SPAG16: variants seen among roughly 807,000 people sequenced by gnomAD.
SPAG16 encodes the protein sperm associated antigen 16.
SPAG16 carries 86 observed loss-of-function variants against 80.4 expected under a neutral mutation model. The ratio of observed to expected loss-of-function variants is 1.07; its 90% CI spans 0.90 to 1.28. The LOEUF is 1.28. SPAG16 is among the 50% of genes most tolerant of loss of function. The pLI is 0.00. For missense variants in SPAG16, 870 were observed against 765.3 expected (o/e 1.14, Z -1.61); for synonymous variants, 294 against 265.9 (o/e 1.11, Z -1.03).
chr2:214,375,445 T>C (rs1377252345), intron 15 of SPAG16, among the ~76,000 whole-genome samples: 3 of 152,148 alleles, frequency 2.0e-5, no homozygotes, highest in Non-Finnish European at 2.9e-5. Context: ...CTGAGACTAG[T>C]ATATAGCTTT....
At chr2:213,348,487 A>G (rs1439041647) in intron 6 of SPAG16, among the ~76,000 whole-genome samples, 1 of 151,924 alleles carries the variant, frequency 6.6e-6, no homozygotes, top group Non-Finnish European at 1.5e-5. Context: ...GGTCTTTACA[A>G]GTTGGCATGT....
intron 15 of SPAG16, among the ~76,000 whole-genome samples, chr2:214,199,511 GT>G (rs570764704): frequency 8.7e-4 from 126 of 145,220 alleles, no homozygotes; most frequent in African/African-American, 2.8e-3. Flanking sequence ...TTGCCTTGTA[GT>G]ATAATTTGAA....
At chr2:213,947,689 A>G (rs1196616328) in intron 12 of SPAG16, among the ~76,000 whole-genome samples, 2 of 151,784 alleles carry the variant, frequency 1.3e-5, no homozygotes, top group Non-Finnish European at 3.0e-5. Context: ...AACTAAAACA[A>G]ATAAAGTACC....
chr2:213,327,813 C>T (rs963964530), intron 5 of SPAG16, among the ~76,000 whole-genome samples: 6 of 151,916 alleles, frequency 3.9e-5, no homozygotes, highest in South Asian at 2.1e-4. Flanking sequence ...ATAAATTTAG[C>T]GCTTAGAAGA....
At chr2:213,460,392 T>A (rs572302576) in intron 9 of SPAG16, among the ~76,000 whole-genome samples, 1 of 152,288 alleles carries the variant, frequency 6.6e-6, no homozygotes, top group Admixed American at 6.5e-5. Context: ...TCAAGATATA[T>A]CCATACCAGG....
chr2:213,303,623 C>A (rs984701599), intron 3 of SPAG16, among the ~76,000 whole-genome samples: 3 of 152,020 alleles, frequency 2.0e-5, no homozygotes, highest in South Asian at 4.1e-4. Context: ...TAAGTGAGAA[C>A]ATGTGAAGTT....
intron 10 of SPAG16, among the ~76,000 whole-genome samples, chr2:213,793,811 A>G (rs956681642): frequency 6.6e-6 from 1 of 152,184 alleles, no homozygotes; most frequent in Non-Finnish European, 1.5e-5. Flanking sequence ...CAGAAGTCAT[A>G]AAGTATAACG....
intron 9 of SPAG16, among the ~76,000 whole-genome samples, chr2:213,395,944 A>G (rs2068010117): frequency 6.6e-6 from 1 of 152,246 alleles, no homozygotes. Flanking sequence ...ACACAATTAT[A>G]TGGTTCTTCA....
intron 15 of SPAG16, among the ~76,000 whole-genome samples, chr2:214,368,871 A>G (rs879098162): frequency 3.3e-5 from 5 of 152,052 alleles, no homozygotes; most frequent in Admixed American, 3.3e-4. Context: ...TTCTGCCTAT[A>G]TCTTAATTTT....
intron 9 of SPAG16, among the ~76,000 whole-genome samples, chr2:213,434,031 C>T (rs1466565393): frequency 6.7e-6 from 1 of 149,390 alleles, no homozygotes; most frequent in East Asian, 2.0e-4. Context: ...AGTGATTCTC[C>T]TGCCCTAGCC....
chr2:214,254,817 TGA>T (rs1230597312), intron 15 of SPAG16, among the ~76,000 whole-genome samples: 1 of 152,058 alleles, frequency 6.6e-6, no homozygotes, highest in Non-Finnish European at 1.5e-5. Flanking sequence ...TTTCTAATTT[TGA>T]GAGGTATTTT....
chr2:213,371,984 A>T (rs2066665356), intron 8 of SPAG16, among the ~76,000 whole-genome samples: 1 of 152,166 alleles, frequency 6.6e-6, no homozygotes, highest in Admixed American at 6.5e-5. Flanking sequence ...TTCTGGGAGA[A>T]ACTATGAAAT....
chr2:214,116,796 TC>T (rs1281145846), intron 14 of SPAG16, among the ~76,000 whole-genome samples: 1 of 152,174 alleles, frequency 6.6e-6, no homozygotes. Context: ...GCTGAGAGGT[TC>T]CTCTAGTGCT....
chr2:214,330,479 T>C lies in SPAG16; in HGVS notation c.1721-79661T>C, dbSNP rs112318479. Among the ~76,000 whole-genome samples, 110 of 152,276 alleles carry C rather than the reference T, an allele frequency of 7.2e-4. 1 individual carries two copies. In the Middle Eastern group the frequency reaches 0.01, roughly 14 times the overall value. On this transcript the variant is annotated intron_variant, in intron 15 of 15. Transcript: ENST00000331683. ...AGATGAAGATCTGCATCCAGGAGTCTTATTAGAAAGTGCTCTTGGGAACAC... is the reference window on the plus strand; with the variant it reads ...AGATGAAGATCTGCATCCAGGAGTCCTATTAGAAAGTGCTCTTGGGAACAC...
At chr2:213,538,119 C>A (rs974382271) in intron 10 of SPAG16, among the ~76,000 whole-genome samples, 3 of 152,128 alleles carry the variant, frequency 2.0e-5, no homozygotes, top group Non-Finnish European at 4.4e-5. Flanking sequence ...TGAAAATGTT[C>A]TAACAAATTT....
intron 10 of SPAG16, among the ~76,000 whole-genome samples, chr2:213,617,353 C>T (rs1331405653): frequency 6.6e-6 from 1 of 152,034 alleles, no homozygotes; most frequent in Non-Finnish European, 1.5e-5. Flanking sequence ...TGGAAGGATC[C>T]CTTGAGGCCA....
chr2:213,687,140 A>G (rs567591836), intron 10 of SPAG16, among the ~76,000 whole-genome samples: 1 of 152,188 alleles, frequency 6.6e-6, no homozygotes, highest in South Asian at 2.1e-4. Flanking sequence ...TCTTGCTTCA[A>G]GTAATATTAA....
intron 15 of SPAG16, among the ~76,000 whole-genome samples, chr2:214,329,272 A>G (rs539214114): frequency 2.2e-4 from 31 of 138,630 alleles, no homozygotes; most frequent in Middle Eastern, 3.6e-3. Context: ...GTTATTTACA[A>G]TCCTTTGGTG....
intron 10 of SPAG16, among the ~76,000 whole-genome samples, chr2:213,676,770 CT>C (rs1434847797): frequency 2.0e-5 from 3 of 150,584 alleles, no homozygotes; most frequent in African/African-American, 7.4e-5. Flanking sequence ...TGATGTGCTG[CT>C]GGATTCGGTT....
Sources: allele counts gnomAD v4.1 joint callset (sites outside exome capture counted in the v4.1 genomes callset), GRCh38; gene constraint gnomAD v4.1.1; transcripts MANE v1.5; gene names NCBI Gene and HGNC (gene_info 2026-07-23, HGNC 2026-07-21).